The following BLNK variants were observed in gnomAD, a reference collection of about 807,000 sequenced individuals.
BLNK encodes the protein B cell linker.
BLNK carries 29 observed loss-of-function variants against 73.5 expected under a neutral mutation model. The ratio of observed to expected loss-of-function variants is 0.39; its 90% confidence interval spans 0.29 to 0.54. BLNK has a LOEUF of 0.54. Ranked by LOEUF, BLNK falls within the 20% of genes least tolerant of loss-of-function variation. The probability of loss-of-function intolerance (pLI) is 0.61; values close to 1 mark genes in which losing one functional copy is unlikely to be tolerated. For synonymous variants in BLNK, 176 were observed against 200.8 expected, an observed-to-expected ratio of 0.88 and a Z score of 1.04; for missense variants, 460 against 562.8, an observed-to-expected ratio of 0.82 and a Z score of 1.85.
chr10:96,200,931 T>C lies in BLNK; in HGVS notation c.1011+51A>G, dbSNP rs2083615552. 1.3e-6 allele frequency: 2 copies of C among 1,504,712 alleles called. No homozygotes were observed. Among genetic ancestry groups the C allele is most frequent in the Middle Eastern group, 1.7e-4 (1 of 5,854 alleles). The allele number at this position is 1,504,712 out of a possible 1,614,324, so 93.2% of individuals were successfully genotyped here. A position where few individuals can be genotyped will look rare whatever the true frequency, so the allele number is the denominator to read the frequency against. On this transcript the variant is annotated intron_variant, in intron 14 of 16. Coordinates refer to ENST00000224337, the MANE Select transcript of BLNK (RefSeq NM_013314.4). The surrounding 1 kb of genome is among the most constrained non-coding windows in gnomAD (Gnocchi z 4.3). ...TCTTCTTCTCAGAAGACATGCTCTT[T>C]CCTGCAGTTTCCTGGTAACAATTTA...
rs2084085965 is a variant in BLNK at position 96,217,104 on chromosome 10, A to G, written c.526-370T>C. Among the ~76,000 whole-genome samples the G allele has an allele frequency of 7.2e-5, 11 of 152,314 alleles. No individual in the cohort carries two copies. The South Asian group carries it at 2.1e-3, about 29-fold the overall frequency. On this transcript the variant is annotated intron_variant, in intron 6 of 16. Coordinates refer to ENST00000224337, the MANE Select transcript of BLNK (RefSeq NM_013314.4). ...TCTTTTGAGACTTCTTTCACTTAGT[A>G]TAATGTTTTCAAGGTTTTCCTGTGG...
chr10:96,190,094 A>C lies in BLNK; in HGVS notation c.*1879T>G, dbSNP rs2083304922. The C allele has an allele frequency of 1.1e-6, 1 of 930,464 alleles. No homozygotes were observed. Among genetic ancestry groups the C allele is most frequent in the Admixed American group, 1.7e-5 (1 of 58,924 alleles). 57.6% of individuals were successfully genotyped at this position (930,464 alleles called of 1,614,324 possible). A position where few individuals can be genotyped will look rare whatever the true frequency, so the allele number is the denominator to read the frequency against. Reference sequence around the variant, plus strand: ...GCCCCTAAACTGACCGTTCTTAAGGATAACTGGTGCTCATTTTCATCATTA... The same window carrying C: ...GCCCCTAAACTGACCGTTCTTAAGGCTAACTGGTGCTCATTTTCATCATTA... On this transcript the variant is annotated 3_prime_UTR_variant, in exon 17 of 17. Transcript: ENST00000224337.
At chr10:96,229,688 T>TGTGTGTGTGTGTG (rs1842423073) in intron 4 of BLNK, among the ~76,000 whole-genome samples, 2 of 52,416 alleles carry the variant, frequency 3.8e-5, no homozygotes, top group South Asian at 6.9e-4. Flanking sequence ...GTGTGTGTGT[T>TGTGTGTGTGTGTG]CGTGTGTGCA....
At chr10:96,228,084 CTCTTTTTTT>C (rs1257376768) in intron 4 of BLNK, among the ~76,000 whole-genome samples, 4 of 79,030 alleles carry the variant, frequency 5.1e-5, no homozygotes, top group African/African-American at 1.6e-4. Context: ...AGGGTTTGCT[CTCTTTTTTT>C]TCTTTTTTTT....
rs144826995 is a variant in BLNK at position 96,200,149 on chromosome 10, C to T, written c.1021G>A (p.Val341Ile). 832 of 1,613,848 alleles carry T rather than the reference C, an allele frequency of 5.2e-4. 1 individual carries two copies. Among genetic ancestry groups the T allele is most frequent in the Non-Finnish European group, 6.4e-4 (755 of 1,179,978 alleles). ...NSTISEQEAG[V>I]LCKPWYAGAC... ...CCAGCATACCATGGCTTGCAGAGAA[C>T]GCCAGCTTCCTGTGAAATGGAGGGC... is the stretch of plus-strand genomic sequence containing the variant. The change falls in exon 15 of 17, where the codon GTT becomes ATT. Residue 341 changes from valine to isoleucine, a missense_variant. Around this residue, in one of 3 missense-constraint regions of BLNK, gnomAD observed 88 missense variants for 143.4 expected, o/e 0.61. Transcript: ENST00000224337. This position sits in a 1 kb window ranked among gnomAD's most constrained non-coding sequence, Gnocchi z 4.3.
rs372104758 is a variant in BLNK, at chr10:96,223,782, C to A, written c.525+44G>T. The A allele has an allele frequency of 2.5e-6, 4 of 1,610,038 alleles. No homozygotes were observed. The Admixed American group carries it at 6.7e-5, about 27-fold the overall frequency. On this transcript the variant is annotated intron_variant, in intron 6 of 16. Transcript: ENST00000224337. ...AGGCTGTCCTGGTCGCTTGCCCCAC[C>A]CCCCTCTGTGTCCTGGGAAGCCTTT...
intron 16 of BLNK, among the ~76,000 whole-genome samples, chr10:96,193,189 C>A (rs1281197841): frequency 6.6e-6 from 1 of 152,218 alleles, no homozygotes; most frequent in Non-Finnish European, 1.5e-5. Context: ...CCTATTCAAT[C>A]ATTCAGCCAT....
At chr10:96,261,556 G>A (rs1843756871) in intron 1 of BLNK, among the ~76,000 whole-genome samples, 1 of 152,158 alleles carries the variant, frequency 6.6e-6, no homozygotes, top group Non-Finnish European at 1.5e-5. Flanking sequence ...TCTAAGATCG[G>A]TTTGGCAACT....
chr10:96,222,308 A>G (rs1322998573), intron 6 of BLNK, among the ~76,000 whole-genome samples: 1 of 152,186 alleles, frequency 6.6e-6, no homozygotes, highest in Admixed American at 6.5e-5. Context: ...CAAATTTTAT[A>G]AAGGCGGAAT....
intron 2 of BLNK, among the ~76,000 whole-genome samples, chr10:96,245,077 C>A (rs1416706367): frequency 1.3e-5 from 2 of 151,948 alleles, no homozygotes; most frequent in Non-Finnish European, 2.9e-5. Context: ...CTCTCCCACT[C>A]ATCAGACAGA....
chr10:96,245,695 C>G (rs2134088975), intron 2 of BLNK, among the ~76,000 whole-genome samples: 1 of 152,086 alleles, frequency 6.6e-6, no homozygotes, highest in African/African-American at 2.4e-5. Flanking sequence ...TAAGTAAAAC[C>G]AACAAAGCAA....
chr10:96,203,411 TA>T (rs1554896690), intron 13 of BLNK, among the ~76,000 whole-genome samples: 5 of 152,234 alleles, frequency 3.3e-5, no homozygotes. Flanking sequence ...AATTACTGTT[TA>T]TTTAAATGGA....
chr10:96,263,858 T>G (rs1843872246), intron 1 of BLNK, among the ~76,000 whole-genome samples: 1 of 152,134 alleles, frequency 6.6e-6, no homozygotes. Context: ...CAGTGTCCAG[T>G]GTCAGCCCAA....
intron 3 of BLNK, among the ~76,000 whole-genome samples, chr10:96,238,542 A>G (rs1842777184): frequency 6.6e-6 from 1 of 152,138 alleles, no homozygotes; most frequent in African/African-American, 2.4e-5. Context: ...AAGACTCCCC[A>G]GGTTCAGGAG....
At chr10:96,199,807 T>A (rs1343798513) in intron 15 of BLNK, among the ~76,000 whole-genome samples, 2 of 152,056 alleles carry the variant, frequency 1.3e-5, no homozygotes, top group African/African-American at 4.8e-5. Context: ...GCAGATCAAC[T>A]GAGGTCAGGA....
intron 4 of BLNK, among the ~76,000 whole-genome samples, chr10:96,230,279 A>C (rs1217803533): frequency 6.6e-6 from 1 of 152,148 alleles, no homozygotes; most frequent in African/African-American, 2.4e-5. Context: ...GGTGGCAAAG[A>C]GCCTGGTCCT....
chr10:96,212,033 T>C (rs2083960020), intron 8 of BLNK, among the ~76,000 whole-genome samples: 1 of 152,218 alleles, frequency 6.6e-6, no homozygotes, highest in African/African-American at 2.4e-5. Context: ...TGTCAGACCT[T>C]CCTCCTGGCT....
At chr10:96,250,450 G>GAGAA (rs1843238356) in intron 1 of BLNK, among the ~76,000 whole-genome samples, 1 of 39,978 alleles carries the variant, frequency 2.5e-5, no homozygotes, top group Non-Finnish European at 8.4e-5. Context: ...GAGAGAAAGA[G>GAGAA]AGAGAGAGAG....
In BLNK at chr10:96,207,042, G is replaced by A. The variant is rs1554897571; in HGVS notation, c.786C>T (p.Ala262=). 3.7e-6 allele frequency: 6 copies of A among 1,613,936 alleles called. No individual in the cohort carries two copies. Among genetic ancestry groups the A allele is most frequent in the Non-Finnish European group, 5.1e-6 (6 of 1,179,888 alleles). Residue 262 remains alanine, a synonymous_variant, in exon 11 of 17, where the codon GCC becomes GCT. Transcript: ENST00000224337. ...PTTPLKTTPV[A]SQQNASSVCE... is the part of the protein sequence containing the mutation. The stretch of plus-strand genomic sequence containing the variant: ...AAACACTTGAAGCATTCTGTTGAGA[G>A]GCAACTGGAGTCTATGTAAAAGAAA...
Sources: gnomAD v4.1 joint callset for allele counts (sites outside exome capture counted in the v4.1 genomes callset) on GRCh38, gnomAD v4.1.1 for gene constraint, gnomAD v4.1.1 regional missense constraint, Gnocchi (gnomAD v3.1) non-coding constraint, MANE v1.5 for transcripts, NCBI Gene and HGNC (gene_info 2026-07-23, HGNC 2026-07-21) for gene names.